Variants in HECW1 observed in about 807,000 individuals in gnomAD.
The protein encoded by HECW1 is HECT, C2 and WW domain containing E3 ubiquitin protein ligase 1.
Under a neutral mutation model 182.3 loss-of-function variants are expected in HECW1, and 61 were observed. The ratio of observed to expected loss-of-function variants is 0.33; its 90% confidence interval spans 0.27 to 0.41. The LOEUF (loss-of-function observed/expected upper bound fraction) is 0.41. HECW1 is among the 10% of genes least tolerant of loss of function. The pLI is 1.00. For synonymous variants in HECW1, 859 were observed against 832.6 expected, an observed-to-expected ratio of 1.03 and a Z score of -0.55; for missense variants, 1,739 against 2,108.9, an observed-to-expected ratio of 0.82 and a Z score of 3.44.
At chr7:43,488,507 GA>G (rs1563046989) in intron 17 of HECW1, among the ~76,000 whole-genome samples, 7 of 139,010 alleles carry the variant, frequency 5.0e-5, no homozygotes, top group African/African-American at 1.6e-4. Context: ...AGAAAGAAAA[GA>G]AAAGAAAGAA....
intron 19 of HECW1, 37 bp from the exon 20 acceptor site, chr7:43,500,662 G>A (rs772666235): frequency 9.9e-6 from 14 of 1,420,644 alleles, no homozygotes; most frequent in Non-Finnish European, 1.4e-5. Flanking sequence ...TTTATGTGTT[G>A]GCATCTAATT....
At chr7:43,319,601 CTTTTTTTT>C (rs796502195) in intron 4 of HECW1, among the ~76,000 whole-genome samples, 6 of 47,456 alleles carry the variant, frequency 1.3e-4, no homozygotes, top group Non-Finnish European at 1.9e-4. Flanking sequence ...CTTTTCTTTT[CTTTTTTTT>C]TTTTTTTTTT....
At chr7:43,347,568 G>A (rs79231191) in intron 5 of HECW1, among the ~76,000 whole-genome samples, 1 of 151,954 alleles carries the variant, frequency 6.6e-6, no homozygotes, top group Non-Finnish European at 1.5e-5. Context: ...ATGTTGAAGA[G>A]GAGTGGTGAG....
chr7:43,385,296 C>T (rs1192569102), intron 6 of HECW1, among the ~76,000 whole-genome samples: 18 of 89,514 alleles, frequency 2.0e-4, no homozygotes, highest in African/African-American at 8.1e-4. Context: ...CTCCCCTCCC[C>T]TCTCCCCTCC....
At chr7:43,162,985 G>A (rs2152658701) in intron 2 of HECW1, 1 of 152,348 alleles carries the variant, frequency 6.6e-6, no homozygotes, top group Middle Eastern at 3.4e-3. Context: ...TGAGCAGTGA[G>A]CAGAGGAGTT....
At chr7:43,488,434 G>GAAAGAAAGAAA in intron 17 of HECW1, among the ~76,000 whole-genome samples, 1 of 93,138 alleles carries the variant, frequency 1.1e-5, no homozygotes, top group South Asian at 3.9e-4. Flanking sequence ...AAGAAAGAAA[G>GAAAGAAAGAAA]AGAAAGAAAG....
At chr7:43,550,365 T>C in intron 26 of HECW1, 80 bp from the exon 27 acceptor site, 1 of 1,509,336 alleles carries the variant, frequency 6.6e-7, no homozygotes, top group Non-Finnish European at 9.1e-7. Context: ...TGGCATACGG[T>C]CATCCCCCTA....
chr7:43,478,423 CA>C (rs933273116), intron 16 of HECW1, among the ~76,000 whole-genome samples: 2 of 149,160 alleles, frequency 1.3e-5, no homozygotes, highest in African/African-American at 4.9e-5. Context: ...AACTCCGTCT[CA>C]AAAAAAAAGT....
chr7:43,392,084 C>T (rs1410747005), intron 6 of HECW1, among the ~76,000 whole-genome samples: 13 of 152,092 alleles, frequency 8.5e-5, no homozygotes, highest in African/African-American at 3.1e-4. Flanking sequence ...ATATTTTCAC[C>T]TCATTTTTAG....
intron 12 of HECW1, among the ~76,000 whole-genome samples, chr7:43,455,427 T>A (rs1387800775): frequency 6.6e-6 from 1 of 152,194 alleles, no homozygotes; most frequent in Non-Finnish European, 1.5e-5. Flanking sequence ...AATTCGCACA[T>A]CCAAGATTTT....
chr7:43,550,410 T>C (rs1470743469), intron 26 of HECW1, 35 bp from the exon 27 acceptor site: 4 of 1,612,772 alleles, frequency 2.5e-6, no homozygotes, highest in Admixed American at 1.7e-5. Context: ...TAAGCAGAAC[T>C]GACAAGCATC....
chr7:43,511,332 T>G (rs888872255), intron 24 of HECW1: 2 of 152,332 alleles, frequency 1.3e-5, no homozygotes, highest in African/African-American at 4.8e-5. Flanking sequence ...CCCACGGTGA[T>G]GAGATTTTCT....
intron 6 of HECW1, among the ~76,000 whole-genome samples, chr7:43,367,462 A>G (rs1737418157): frequency 6.6e-6 from 1 of 152,238 alleles, no homozygotes; most frequent in Non-Finnish European, 1.5e-5. Flanking sequence ...TATACAGTAC[A>G]ATATTCTATT....
At chr7:43,333,030 T>C (rs1256819221) in intron 5 of HECW1, among the ~76,000 whole-genome samples, 1 of 152,198 alleles carries the variant, frequency 6.6e-6, no homozygotes, top group Non-Finnish European at 1.5e-5. Context: ...TAGACCAAAG[T>C]AGGCCAGTAG....
At chr7:43,252,624 A>G (rs1368733546) in intron 3 of HECW1, among the ~76,000 whole-genome samples, 1 of 152,208 alleles carries the variant, frequency 6.6e-6, no homozygotes, top group Non-Finnish European at 1.5e-5. Context: ...ACCAATGTAC[A>G]GATGTCATTT....
At chr7:43,475,020 A>G (rs2078168669) in intron 16 of HECW1, among the ~76,000 whole-genome samples, 1 of 152,200 alleles carries the variant, frequency 6.6e-6, no homozygotes, top group Admixed American at 6.5e-5. Flanking sequence ...ACAGTGTTTC[A>G]ATTTGGGAAG....
intron 2 of HECW1, among the ~76,000 whole-genome samples, chr7:43,240,882 A>G (rs77008358): frequency 0.14 from 21,031 of 152,146 alleles, 2,081 homozygotes; most frequent in African/African-American, 0.28. Flanking sequence ...TTGCTGTGCC[A>G]CAAGGGTCTG....
chr7:43,504,928 T>C (rs2079516184), intron 21 of HECW1, among the ~76,000 whole-genome samples: 1 of 152,202 alleles, frequency 6.6e-6, no homozygotes, highest in African/African-American at 2.4e-5. Context: ...CCATGAACTC[T>C]GGCCACCCAA....
At chr7:43,351,458 C>G (rs1814438099) in intron 5 of HECW1, among the ~76,000 whole-genome samples, 1 of 152,060 alleles carries the variant, frequency 6.6e-6, no homozygotes, top group Non-Finnish European at 1.5e-5. Context: ...CTTCCACTAC[C>G]AGGGTGGGTA....
Sources: allele counts gnomAD v4.1 joint callset (sites outside exome capture counted in the v4.1 genomes callset), GRCh38; gene constraint gnomAD v4.1.1; transcripts MANE v1.5; gene names NCBI Gene and HGNC (gene_info 2026-07-23, HGNC 2026-07-21).